The following ACCSL variants were observed in gnomAD, a reference collection of about 807,000 sequenced individuals.
ACCSL encodes the protein probable inactive 1-aminocyclopropane-1-carboxylate synthase-like protein 2.
A neutral mutation model predicts 61.7 loss-of-function variants in ACCSL; 55 were observed. The observed-to-expected ratio is 0.89, with a 90% CI of 0.72 to 1.12. ACCSL has a LOEUF of 1.12. Ranked by LOEUF, ACCSL falls within the 50% of genes most tolerant of loss-of-function variation. ACCSL has a pLI of 0.00. For synonymous variants in ACCSL, 258 were observed against 264.3 expected, an observed-to-expected ratio of 0.98 and a Z score of 0.23; for missense variants, 632 against 698.0, an observed-to-expected ratio of 0.91 and a Z score of 1.07.
intron 5 of ACCSL, 27 bp from the exon 6 acceptor site, chr11:44,052,635 G>A (rs770697296): frequency 6.3e-7 from 1 of 1,597,728 alleles, no homozygotes. Flanking sequence ...ACTTTGGACT[G>A]ATAGCTCTGT....
chr11:43,990,750 C>T, the ACCSL span, among the ~76,000 whole-genome samples: 1 of 152,168 alleles, frequency 6.6e-6, no homozygotes, highest in Non-Finnish European at 1.5e-5. Flanking sequence ...GAATGCTTCT[C>T]ACTGGTTTCG....
chr11:43,996,001 AG>A, the ACCSL span, among the ~76,000 whole-genome samples: 1 of 152,196 alleles, frequency 6.6e-6, no homozygotes, highest in Admixed American at 6.5e-5. Context: ...CCTTATAAAA[AG>A]GGGGTAATTT....
chr11:44,002,996 GCATTCGTGATGTTT>G, the ACCSL span, among the ~76,000 whole-genome samples: 1 of 152,170 alleles, frequency 6.6e-6, no homozygotes, highest in East Asian at 1.9e-4. Flanking sequence ...GGCTGCAGCT[GCATTCGTGATGTTT>G]CATTGCTTAA....
intron 11 of ACCSL, among the ~76,000 whole-genome samples, chr11:44,058,050 G>C (rs1590433501): frequency 6.6e-6 from 1 of 152,376 alleles, no homozygotes; most frequent in East Asian, 1.9e-4. Context: ...GCGTACGCCT[G>C]TAGTGCCAGT....
chr11:43,933,373 C>T, the ACCSL span: 3 of 336,370 alleles, frequency 8.9e-6, no homozygotes, highest in African/African-American at 6.4e-5. Context: ...AGGTAAAGTC[C>T]AGGATGGGGT....
At chr11:43,931,332 A>T in the ACCSL span, among the ~76,000 whole-genome samples, 1 of 152,230 alleles carries the variant, frequency 6.6e-6, no homozygotes, top group Non-Finnish European at 1.5e-5. Flanking sequence ...CCCCACCGCA[A>T]GACTCTACTG....
At chr11:43,935,490 C>T in the ACCSL span, among the ~76,000 whole-genome samples, 2 of 152,216 alleles carry the variant, frequency 1.3e-5, no homozygotes, top group African/African-American at 4.8e-5. Context: ...CTGATCAGCC[C>T]CCCAGCCCCC....
the ACCSL span, among the ~76,000 whole-genome samples, chr11:43,938,417 TAGTC>T: frequency 1.4e-3 from 220 of 152,336 alleles, no homozygotes; most frequent in Non-Finnish European, 1.9e-3. Context: ...GCTTCATCTT[TAGTC>T]AGTTCCTTGA....
At chr11:44,025,619 CA>C in the ACCSL span, among the ~76,000 whole-genome samples, 26,407 of 151,966 alleles carry the variant, frequency 0.17, 2,389 homozygotes, top group East Asian at 0.29. Context: ...AACTGTTTTT[CA>C]TATTTTCCTA....
chr11:44,041,707 C>T, the ACCSL span, among the ~76,000 whole-genome samples: 1 of 152,160 alleles, frequency 6.6e-6, no homozygotes, highest in Non-Finnish European at 1.5e-5. Flanking sequence ...AAATTTCTTA[C>T]CTTGGCTAAT....
chr11:44,030,371 C>T, the ACCSL span, among the ~76,000 whole-genome samples: 4 of 151,774 alleles, frequency 2.6e-5, no homozygotes, highest in East Asian at 2.0e-4. Flanking sequence ...TGGACACAGA[C>T]GTCCAGAAGC....
At chr11:44,015,808 T>C in the ACCSL span, among the ~76,000 whole-genome samples, 1 of 152,238 alleles carries the variant, frequency 6.6e-6, no homozygotes, top group African/African-American at 2.4e-5. Flanking sequence ...GACCAGTATT[T>C]AAGCTTTCTG....
At chr11:44,002,874 G>T in the ACCSL span, among the ~76,000 whole-genome samples, 1 of 152,134 alleles carries the variant, frequency 6.6e-6, no homozygotes, top group Non-Finnish European at 1.5e-5. Flanking sequence ...CTCTGTTGAC[G>T]GGAATGGCTG....
At chr11:43,998,243 C>T in the ACCSL span, among the ~76,000 whole-genome samples, 1 of 152,204 alleles carries the variant, frequency 6.6e-6, no homozygotes, top group South Asian at 2.1e-4. Context: ...CAGTGCAGCA[C>T]TGTTACGTGG....
chr11:43,935,725 T>C, the ACCSL span, among the ~76,000 whole-genome samples: 1 of 152,140 alleles, frequency 6.6e-6, no homozygotes, highest in Non-Finnish European at 1.5e-5. Context: ...ACTCCCGGGC[T>C]CAAGTGATCC....
the ACCSL span, among the ~76,000 whole-genome samples, chr11:44,033,463 T>G: frequency 6.6e-6 from 1 of 152,116 alleles, no homozygotes; most frequent in Non-Finnish European, 1.5e-5. Flanking sequence ...CAAAGCCAGA[T>G]AGCAACCCCT....
chr11:44,057,337 A>G (rs1179204103), intron 11 of ACCSL, among the ~76,000 whole-genome samples: 3 of 152,262 alleles, frequency 2.0e-5, no homozygotes, highest in Admixed American at 1.3e-4. Context: ...TTAGAAAACA[A>G]TTTGCTTTCA....
chr11:44,008,578 C>T, the ACCSL span, among the ~76,000 whole-genome samples: 2 of 152,232 alleles, frequency 1.3e-5, no homozygotes, highest in Non-Finnish European at 2.9e-5. Context: ...AAGAAGATGG[C>T]TTGGGACCGG....
Position 44,048,077 on chromosome 11 carries a change from A to G in ACCSL, c.41A>G (p.Gln14Arg). 2 of 1,614,076 alleles carry G rather than the reference A, an allele frequency of 1.2e-6. No individual in the cohort carries two copies. The highest frequency in any genetic ancestry group is 2.2e-5 in the South Asian group (2 of 91,086). ...GACACCCTTCCTGTGCCCTCTGGTC[A>G]GAGGAGAGGCCGGGTCCCCAGAGAC... ...RSDTLPVPSG[Q>R]RRGRVPRDHS... is the part of the protein sequence containing the mutation. The change falls in exon 1 of 14, where the codon CAG (glutamine) becomes CGG (arginine). Residue 14 changes from glutamine to arginine, a missense_variant. Physicochemically the swap from Gln to Arg is conservative, Grantham distance 43 (BLOSUM62 1). Transcript: ENST00000378832.
Sources: allele counts gnomAD v4.1 joint callset (sites outside exome capture counted in the v4.1 genomes callset), GRCh38; gene constraint gnomAD v4.1.1; transcripts MANE v1.5; gene names NCBI Gene and HGNC (gene_info 2026-07-23, HGNC 2026-07-21).